Variants in EPS8 observed in about 807,000 individuals in gnomAD.
EPS8 encodes the protein epidermal growth factor receptor kinase substrate 8.
In EPS8, 42 loss-of-function variants were observed where a neutral mutation model predicts 103.8. The observed-to-expected ratio is 0.40, with a 90% confidence interval of 0.32 to 0.52. The LOEUF (loss-of-function observed/expected upper bound fraction) is 0.52, where lower values mean the gene tolerates loss of function less well. Ranked by LOEUF, EPS8 falls within the 20% of genes least tolerant of loss-of-function variation. The pLI is 0.40. For missense variants in EPS8, 969 were observed against 1,005.1 expected (o/e 0.96, Z 0.49); for synonymous variants, 344 against 344.6 (o/e 1.00, Z 0.02).
chr12:15,640,887 A>C, intron 16 of EPS8, 41 bp from the exon 17 acceptor site: 2 of 1,590,604 alleles, frequency 1.3e-6, no homozygotes, highest in Non-Finnish European at 1.7e-6. Flanking sequence ...TTCCATATAA[A>C]AGCCATTCTA....
intron 1 of EPS8, among the ~76,000 whole-genome samples, chr12:15,739,364 T>C (rs1336215150): frequency 1.3e-5 from 2 of 152,190 alleles, no homozygotes; most frequent in Non-Finnish European, 2.9e-5. Context: ...CCTAGATAGC[T>C]GGTAAAACAT....
chr12:15,685,388 C>T (rs552494264), intron 1 of EPS8, among the ~76,000 whole-genome samples: 1 of 152,270 alleles, frequency 6.6e-6, no homozygotes, highest in East Asian at 1.9e-4. Flanking sequence ...TCTTTCAAAG[C>T]AAGCTGGTTC....
chr12:15,760,855 G>C lies in EPS8; in HGVS notation c.-22+28306C>G, dbSNP rs1422903117. Among the ~76,000 whole-genome samples the C allele has an allele frequency of 6.6e-6, 1 of 152,064 alleles. No homozygotes were observed. The highest frequency in any genetic ancestry group is 1.5e-5 in the Non-Finnish European group (1 of 67,974). On this transcript the variant is annotated intron_variant, in intron 1 of 20. Transcript: ENST00000281172. The surrounding 1 kb of genome is among the most constrained non-coding windows in gnomAD (Gnocchi z 4.5). ...CACAACTAGTATCATATTGAATGGGGAAAACCTGATAAGCCTTTCCTCTAA... is the reference window on the plus strand; with the variant it reads ...CACAACTAGTATCATATTGAATGGGCAAAACCTGATAAGCCTTTCCTCTAA...
intron 9 of EPS8, among the ~76,000 whole-genome samples, 161 bp downstream of exon 9, chr12:15,661,865 A>G (rs777645039): frequency 1.3e-5 from 2 of 152,242 alleles, no homozygotes; most frequent in Non-Finnish European, 2.9e-5. Context: ...TTAACGAGAA[A>G]ATAATTCAAA....
chr12:15,629,253 T>C (rs1945001999), intron 18 of EPS8, among the ~76,000 whole-genome samples: 1 of 152,218 alleles, frequency 6.6e-6, no homozygotes. Context: ...ATTCTTGGTT[T>C]CTCAGCGTGA....
Position 15,682,920 on chromosome 12 carries a change from C to T in EPS8, c.32G>A (p.Ser11Asn), listed in dbSNP as rs1433990904. 3 of 1,585,278 alleles carry T rather than the reference C, an allele frequency of 1.9e-6. No homozygotes were observed. The highest frequency in any genetic ancestry group is 2.6e-6 in the Non-Finnish European group (3 of 1,162,432). The stretch of plus-strand genomic sequence containing the variant: ...CATCTGAGATGGGTACATTCCAAAA[C>T]TACTGGGATGATTAGAAATATGACC... MNGHISNHPS[S>N]FGMYPSQMNG... The change falls in exon 2 of 21, where the codon AGT becomes AAT. Residue 11 changes from serine to asparagine, a missense_variant. Transcript: ENST00000281172.
chr12:15,660,751 A>T lies in EPS8; in HGVS notation c.811-11T>A. On this transcript the variant is annotated splice_polypyrimidine_tract_variant and intron_variant, in intron 9 of 20. Coordinates refer to ENST00000281172, the MANE Select transcript of EPS8 (RefSeq NM_004447.6). ...GTGGTTTAAGATTTGCTGAAATTAG[A>T]AATTATAGAATAAAATATAAAACAA... 1 of 1,456,878 alleles carries T rather than the reference A, an allele frequency of 6.9e-7. No homozygotes were observed. The highest frequency in any genetic ancestry group is 9.6e-7 in the Non-Finnish European group (1 of 1,045,380). The allele number at this position is 1,456,878 out of a possible 1,614,324, so 90.2% of individuals were successfully genotyped here.
At chr12:15,627,195 G>C (rs1388528950) in intron 18 of EPS8, among the ~76,000 whole-genome samples, 1 of 151,904 alleles carries the variant, frequency 6.6e-6, no homozygotes, top group Non-Finnish European at 1.5e-5. Flanking sequence ...TAGTAGAGAT[G>C]GGGTTTCACC....
intron 13 of EPS8, among the ~76,000 whole-genome samples, chr12:15,653,934 A>G (rs147905165): frequency 2.6e-5 from 4 of 152,218 alleles, no homozygotes; most frequent in African/African-American, 9.6e-5. Context: ...AACCAACAGC[A>G]TTTTGTTTAT....
intron 1 of EPS8, among the ~76,000 whole-genome samples, chr12:15,708,351 G>A (rs1480526995): frequency 6.6e-6 from 1 of 152,202 alleles, no homozygotes; most frequent in Admixed American, 6.5e-5. Flanking sequence ...ATAGTGCTTA[G>A]CACATAGTTA....
At chr12:15,642,292 T>C (rs1945245534) in intron 15 of EPS8, among the ~76,000 whole-genome samples, 1 of 152,120 alleles carries the variant, frequency 6.6e-6, no homozygotes, top group Non-Finnish European at 1.5e-5. Context: ...TAACCAAATA[T>C]ATAAATTTAA....
In EPS8 at chr12:15,776,709, A is replaced by G. The variant is rs766670672; in HGVS notation, c.-22+12452T>C. 2.6e-5 allele frequency among the ~76,000 whole-genome samples: 4 copies of G among 152,236 alleles called. No homozygotes were observed. Among genetic ancestry groups the G allele is most frequent in the Non-Finnish European group, 4.4e-5 (3 of 68,046 alleles). Reference sequence around the variant, plus strand: ...AGCATATAATCAAAGTTCCCTAGATATAGCTTATGAAGAGCACAGTGTTAG... The same window carrying G: ...AGCATATAATCAAAGTTCCCTAGATGTAGCTTATGAAGAGCACAGTGTTAG... On this transcript the variant is annotated intron_variant, in intron 1 of 20. Transcript: ENST00000281172. The surrounding 1 kb of genome is among the most constrained non-coding windows in gnomAD (Gnocchi z 4.2).
chr12:15,651,137 A>C, intron 13 of EPS8, 131 bp from the exon 14 acceptor site: 1 of 641,204 alleles, frequency 1.6e-6, no homozygotes, highest in Non-Finnish European at 2.6e-6. Context: ...CAGCACATAG[A>C]CCTAATCTGT....
Position 15,747,844 on chromosome 12 carries a change from C to A in EPS8, c.-22+41317G>T, listed in dbSNP as rs997900652. On this transcript the variant is annotated intron_variant, in intron 1 of 20. Transcript: ENST00000281172. This position sits in a 1 kb window ranked among gnomAD's most constrained non-coding sequence, Gnocchi z 4.4. ...GACCATCCTGGCTAACACGGTGAAACCCCGTCTCTACTAAAAATACAAAGA... is the reference window on the plus strand; with the variant it reads ...GACCATCCTGGCTAACACGGTGAAAACCCGTCTCTACTAAAAATACAAAGA... 6.6e-6 allele frequency among the ~76,000 whole-genome samples: 1 copy of A among 152,096 alleles called. No homozygotes were observed. Among genetic ancestry groups the A allele is most frequent in the Non-Finnish European group, 1.5e-5 (1 of 68,036 alleles).
At chr12:15,703,305 T>C (rs1388568003) in intron 1 of EPS8, among the ~76,000 whole-genome samples, 2 of 152,238 alleles carry the variant, frequency 1.3e-5, no homozygotes, top group Admixed American at 6.5e-5. Flanking sequence ...TGGATAGATA[T>C]ACAAACAGAT....
rs1383934304 is a variant in EPS8, at chr12:15,743,764, GATGGATTAAAGACTTAC to G, written c.-22+45380_-22+45396del. Among the ~76,000 whole-genome samples, 7 of 152,140 alleles carry G rather than the reference GATGGATTAAAGACTTAC, an allele frequency of 4.6e-5. No individual in the cohort carries two copies. In the East Asian group the frequency reaches 1.3e-3, roughly 29 times the overall value. On this transcript the variant is annotated intron_variant, in intron 1 of 20. Coordinates refer to ENST00000281172, the MANE Select transcript of EPS8 (RefSeq NM_004447.6). Reference sequence around the variant, plus strand: ...TACACCTTATACAAAATTAATTCAAGATGGATTAAAGACTTACATGTTAGACCTAAAACCATAAAAAC... The same window carrying G: ...TACACCTTATACAAAATTAATTCAAGATGTTAGACCTAAAACCATAAAAAC...
chr12:15,641,672 T>C lies in EPS8; in HGVS notation c.1677+50A>G, dbSNP rs745467228. 7 of 851,246 alleles carry C rather than the reference T, an allele frequency of 8.2e-6. No homozygotes were observed. In the South Asian group the frequency reaches 1.0e-4, roughly 12 times the overall value. 52.7% of individuals were successfully genotyped at this position (851,246 alleles called of 1,614,324 possible). A position where few individuals can be genotyped will look rare whatever the true frequency, so the allele number is the denominator to read the frequency against. ...GTTTAGTTATATACCAAAAGAGTAA[T>C]ACAATAAAACTACTTTATTAAGAGT... On this transcript the variant is annotated intron_variant, in intron 16 of 20. Coordinates refer to ENST00000281172, the MANE Select transcript of EPS8 (RefSeq NM_004447.6).
rs956914053 is a variant in EPS8, at chr12:15,787,703, G to T, written c.-22+1458C>A. On this transcript the variant is annotated intron_variant, in intron 1 of 20. Transcript: ENST00000281172. The surrounding 1 kb of genome is among the most constrained non-coding windows in gnomAD (Gnocchi z 4.9). The stretch of plus-strand genomic sequence containing the variant: ...ATGACTTGTGGTGCAATCTTACAAA[G>T]TCTCAATCTGTGTATTCTGCAATAA... 4.6e-5 allele frequency among the ~76,000 whole-genome samples: 7 copies of T among 151,950 alleles called. No homozygotes were observed. Among genetic ancestry groups the T allele is most frequent in the South Asian group, 2.1e-4 (1 of 4,812 alleles).
intron 1 of EPS8, among the ~76,000 whole-genome samples, chr12:15,756,501 C>G (rs940845824): frequency 6.6e-6 from 1 of 152,066 alleles, no homozygotes; most frequent in African/African-American, 2.4e-5. Flanking sequence ...TTTAAAGGCT[C>G]TATATAGTTA....
Sources: gnomAD v4.1 joint callset for allele counts (sites outside exome capture counted in the v4.1 genomes callset) on GRCh38, gnomAD v4.1.1 for gene constraint, Gnocchi (gnomAD v3.1) non-coding constraint, MANE v1.5 for transcripts, NCBI Gene and HGNC (gene_info 2026-07-23, HGNC 2026-07-21) for gene names.